ECT2L: variants seen among roughly 807,000 people sequenced by gnomAD.
ECT2L encodes the protein epithelial cell-transforming sequence 2 oncogene-like.
Under a neutral mutation model 122.8 loss-of-function variants are expected in ECT2L, and 126 were observed. That is an observed-to-expected ratio of 1.03 (90% CI 0.89 to 1.19). ECT2L has a LOEUF of 1.19. ECT2L is among the 50% of genes most tolerant of loss of function. ECT2L has a pLI of 0.00. For missense variants in ECT2L, 1,012 were observed against 1,064.1 expected (o/e 0.95, Z 0.68); for synonymous variants, 385 against 381.8 (o/e 1.01, Z -0.10).
chr6:138,868,724 A>C (rs1271508631), intron 13 of ECT2L, among the ~76,000 whole-genome samples: 1 of 152,200 alleles, frequency 6.6e-6, no homozygotes, highest in African/African-American at 2.4e-5. Context: ...CAATTTCATC[A>C]GACACAGATC....
Position 138,880,952 on chromosome 6 carries a change from T to C in ECT2L, c.1666-5T>C, listed in dbSNP as rs750363159. 1.6e-5 allele frequency: 25 copies of C among 1,612,824 alleles called. No homozygotes were observed. Among genetic ancestry groups the C allele is most frequent in the African/African-American group, 2.7e-5 (2 of 74,864 alleles). ...CTGACTTGAGTTCTTAACACTTCTCTACAGGAGAGAATACTCCAGAAGGAC... is the reference window on the plus strand; with the variant it reads ...CTGACTTGAGTTCTTAACACTTCTCCACAGGAGAGAATACTCCAGAAGGAC... On this transcript the variant is annotated splice_polypyrimidine_tract_variant and splice_region_variant and intron_variant, in intron 14 of 21. Coordinates refer to ENST00000541398, the MANE Select transcript of ECT2L (RefSeq NM_001077706.3).
Position 138,886,867 on chromosome 6 carries a change from A to G in ECT2L, c.2270A>G (p.Asn757Ser). ...YKGYIDQMKQNITMKDHLSDI... is the reference protein window; with the variant it reads ...YKGYIDQMKQSITMKDHLSDI... Reference sequence around the variant, plus strand: ...CTTTTTTTCCCCTAGATGAAGCAAAACATCACTATGAAGGATCATCTGTCA... The same window carrying G: ...CTTTTTTTCCCCTAGATGAAGCAAAGCATCACTATGAAGGATCATCTGTCA... The change falls in exon 19 of 22, where the codon AAC becomes AGC. Residue 757 changes from asparagine (N) to serine (S), a missense_variant. Transcript: ENST00000541398. 6.2e-7 allele frequency: 1 copy of G among 1,613,502 alleles called. No individual in the cohort carries two copies. The highest frequency in any genetic ancestry group is 8.5e-7 in the Non-Finnish European group (1 of 1,179,712).
At chr6:138,864,890 A>G (rs1777970666) in intron 11 of ECT2L, 106 bp from the exon 12 acceptor site, 3 of 1,071,842 alleles carry the variant, frequency 2.8e-6, no homozygotes, top group Non-Finnish European at 3.9e-6. Context: ...AAACGATAAT[A>G]AACTCAATAC....
At chr6:138,837,635 T>G (rs1226455996) in intron 4 of ECT2L, among the ~76,000 whole-genome samples, 1 of 89,480 alleles carries the variant, frequency 1.1e-5, no homozygotes, top group Admixed American at 1.4e-4. Context: ...CTAGAAGCAC[T>G]GGTCTCAAAA....
intron 1 of ECT2L, among the ~76,000 whole-genome samples, chr6:138,802,991 G>T (rs539382504): frequency 6.6e-6 from 1 of 151,682 alleles, no homozygotes; most frequent in East Asian, 1.9e-4. Flanking sequence ...CAGGAAAATC[G>T]CTTGAACCCA....
At chr6:138,895,037 T>C (rs1363177908) in intron 20 of ECT2L, among the ~76,000 whole-genome samples, 1 of 152,072 alleles carries the variant, frequency 6.6e-6, no homozygotes, top group African/African-American at 2.4e-5. Context: ...GGTGGGAGGA[T>C]CACTTGAGGC....
chr6:138,894,094 G>A (rs1779131271), intron 20 of ECT2L, among the ~76,000 whole-genome samples: 1 of 152,036 alleles, frequency 6.6e-6, no homozygotes, highest in South Asian at 2.1e-4. Flanking sequence ...GTCTCACTCT[G>A]TTGCCAGGCT....
chr6:138,808,664 T>C (rs546898806), intron 1 of ECT2L, among the ~76,000 whole-genome samples: 1 of 152,280 alleles, frequency 6.6e-6, no homozygotes, highest in South Asian at 2.1e-4. Context: ...GATTCTTTAA[T>C]ATTTTTCTAC....
intron 20 of ECT2L, among the ~76,000 whole-genome samples, chr6:138,896,208 G>A (rs1044478988): frequency 1.3e-5 from 2 of 150,542 alleles, no homozygotes; most frequent in African/African-American, 2.4e-5. Flanking sequence ...TGGGATTACA[G>A]GCGTGAGCCA....
At chr6:138,814,660 A>G in intron 4 of ECT2L, 57 bp downstream of exon 4, 1 of 1,062,556 alleles carries the variant, frequency 9.4e-7, no homozygotes, top group Non-Finnish European at 1.4e-6. Flanking sequence ...CCGTATATAA[A>G]TGTTTATATA....
In ECT2L at chr6:138,864,499, G is replaced by A. The variant is rs371310433; in HGVS notation, c.1292-497G>A. On this transcript the variant is annotated intron_variant, in intron 11 of 21. Transcript: ENST00000541398. ...TTCTTTAAGCACCTGCTACAGTCCT[G>A]TAGACAGATTTGTAGAGCGAGGTAG... Among the ~76,000 whole-genome samples the A allele has an allele frequency of 3.5e-4, 53 of 152,354 alleles. 1 individual carries two copies. Among genetic ancestry groups the A allele is most frequent in the Middle Eastern group, 3.4e-3 (1 of 294 alleles).
chr6:138,901,251 G>A (rs1779387226), intron 21 of ECT2L, 131 bp downstream of exon 21: 11 of 922,158 alleles, frequency 1.2e-5, no homozygotes, highest in Non-Finnish European at 1.8e-5. Context: ...CCCAATATTA[G>A]AATTTCATTA....
intron 20 of ECT2L, among the ~76,000 whole-genome samples, chr6:138,894,158 G>A (rs1011966181): frequency 2.0e-5 from 3 of 152,116 alleles, no homozygotes; most frequent in African/African-American, 7.2e-5. Context: ...CCAGGTTCAA[G>A]CGATTCTCCT....
intron 16 of ECT2L, among the ~76,000 whole-genome samples, chr6:138,883,169 G>A (rs753597430): frequency 2.6e-5 from 4 of 152,182 alleles, no homozygotes; most frequent in Non-Finnish European, 5.9e-5. Context: ...GTTGAGCTTG[G>A]AATCCACTCT....
chr6:138,826,741 C>T (rs1235255193), intron 4 of ECT2L, among the ~76,000 whole-genome samples: 1 of 152,036 alleles, frequency 6.6e-6, no homozygotes, highest in Non-Finnish European at 1.5e-5. Context: ...TTGTAATCCC[C>T]AATACTGAAG....
intron 4 of ECT2L, among the ~76,000 whole-genome samples, chr6:138,816,036 CAGAT>C (rs1776056396): frequency 6.6e-6 from 1 of 152,332 alleles, no homozygotes; most frequent in Middle Eastern, 3.4e-3. Flanking sequence ...AGACAGGGCA[CAGAT>C]AAACAGGCCC....
In ECT2L at chr6:138,902,596, G is replaced by C. The variant is rs181439920; in HGVS notation, c.2684G>C (p.Arg895Pro). ...AAGTTCCTATGGCTGTCAGTACTTC[G>C]AAATGCAATCAAAAGCAGTATGGAG... Reference protein sequence around the residue: ...DDKFLWLSVLRNAIKSSMEK With the variant: ...DDKFLWLSVLPNAIKSSMEK The change falls in exon 22 of 22, where the codon CGA (arginine) becomes CCA (proline). Residue 895 changes from arginine to proline, a missense_variant. Transcript: ENST00000541398. 4 of 1,613,876 alleles carry C rather than the reference G, an allele frequency of 2.5e-6. No individual in the cohort carries two copies. Among genetic ancestry groups the C allele is most frequent in the Admixed American group, 3.3e-5 (2 of 60,012 alleles).
intron 16 of ECT2L, 55 bp downstream of exon 16, chr6:138,882,926 C>T (rs533025788): frequency 1.7e-5 from 27 of 1,575,702 alleles, no homozygotes; most frequent in South Asian, 1.3e-4. Flanking sequence ...AAGGAAGTTA[C>T]GTGTGGAACC....
chr6:138,895,838 C>T (rs1779189608), intron 20 of ECT2L, among the ~76,000 whole-genome samples: 1 of 152,056 alleles, frequency 6.6e-6, no homozygotes, highest in Non-Finnish European at 1.5e-5. Context: ...CATGTGTGAG[C>T]CACTGCACCT....
Sources: gnomAD v4.1 joint callset for allele counts (sites outside exome capture counted in the v4.1 genomes callset) on GRCh38, gnomAD v4.1.1 for gene constraint, MANE v1.5 for transcripts, NCBI Gene and HGNC (gene_info 2026-07-23, HGNC 2026-07-21) for gene names.